G3BP1: variants seen among roughly 807,000 people sequenced by gnomAD.
G3BP1 encodes G3BP stress granule assembly factor 1.
In G3BP1, 35 loss-of-function variants were observed where a neutral mutation model predicts 58.6. The observed-to-expected ratio is 0.60, with a 90% confidence interval of 0.46 to 0.79. The LOEUF is 0.79. Ranked by LOEUF, G3BP1 falls within the 30% of genes least tolerant of loss-of-function variation. The pLI is 0.00. For missense variants in G3BP1, 523 were observed against 580.8 expected, an observed-to-expected ratio of 0.90 and a Z score of 1.02; for synonymous variants, 191 against 195.4, an observed-to-expected ratio of 0.98 and a Z score of 0.19.
At position 151,811,851 on chromosome 5, in the gene G3BP1, T is replaced by C. The variant is rs180815660; in HGVS notation, c.*7760T>C. 1.4e-3 allele frequency: 208 copies of C among 152,348 alleles called. No homozygotes were observed. The highest frequency in any genetic ancestry group is 4.9e-3 in the African/African-American group (202 of 41,584). 9.4% of individuals were successfully genotyped at this position (152,348 alleles called of 1,614,324 possible). Reference sequence around the variant, plus strand: ...ATTAAGGCCATACCAAGTTTATACATATATACAAAGAAATTTCCATATAAA... The same window carrying C: ...ATTAAGGCCATACCAAGTTTATACACATATACAAAGAAATTTCCATATAAA... On this transcript the variant is annotated 3_prime_UTR_variant, in exon 12 of 12. Coordinates refer to ENST00000356245, the MANE Select transcript of G3BP1 (RefSeq NM_005754.3).
chr5:151,799,249 C>A lies in G3BP1; in HGVS notation c.779C>A (p.Pro260Gln), dbSNP rs1337166578. Reference sequence around the variant, plus strand: ...GCATCTGTGACCAGTAAGAATCTTCCACCCAGTGGAGCTGTTCCAGTTACT... The same window carrying A: ...GCATCTGTGACCAGTAAGAATCTTCAACCCAGTGGAGCTGTTCCAGTTACT... ...SWASVTSKNL[P>Q]PSGAVPVTGI... Residue 260 changes from proline to glutamine, a missense_variant, in exon 8 of 12, where the codon CCA (proline) becomes CAA (glutamine). Physicochemically the swap from Pro to Gln is moderately conservative, Grantham distance 76 (BLOSUM62 -1). Around this residue, in one of 2 missense-constraint regions of G3BP1, gnomAD observed 398 missense variants for 399.1 expected, o/e 1.00. Transcript: ENST00000356245. The A allele has an allele frequency of 1.2e-6, 2 of 1,603,952 alleles. No individual in the cohort carries two copies.
At chr5:151,786,947 A>T in intron 2 of G3BP1, 1 of 275,776 alleles carries the variant, frequency 3.6e-6, no homozygotes. Context: ...AGTTTAAGTG[A>T]TTCTTCTGCC....
At position 151,797,430 on chromosome 5, in the gene G3BP1, T is replaced by C. The variant is rs1232495108; in HGVS notation, c.741+2T>C. The C allele has an allele frequency of 6.2e-7, 1 of 1,600,476 alleles. No individual in the cohort carries two copies. The highest frequency in any genetic ancestry group is 8.5e-7 in the Non-Finnish European group (1 of 1,171,464). ...CAGACAGTACAGGAAGACTTGAGGG[T>C]ATGAAACGTGTCTTCATTTTTATTC... On this transcript the variant is annotated splice_donor_variant, in intron 7 of 11. Coordinates refer to ENST00000356245, the MANE Select transcript of G3BP1 (RefSeq NM_005754.3). LOFTEE classifies it high-confidence loss of function.
chr5:151,795,649 G>A lies in G3BP1; in HGVS notation c.539+74G>A, dbSNP rs1762736677. 7.2e-6 allele frequency: 5 copies of A among 698,822 alleles called. No homozygotes were observed. In the South Asian group the frequency reaches 8.7e-5, roughly 12 times the overall value. The allele number at this position is 698,822 out of a possible 1,614,324, so 43.3% of individuals were successfully genotyped here. ...GTCTAGTCTTTCCCTTTGTTGGAGG[G>A]CATTTACATATTCTGAGAATTACCT... On this transcript the variant is annotated intron_variant, in intron 6 of 11. Coordinates refer to ENST00000356245, the MANE Select transcript of G3BP1 (RefSeq NM_005754.3).
Position 151,808,953 on chromosome 5 carries a change from G to GATT in G3BP1, c.*4863_*4865dup, listed in dbSNP as rs1762975258. ...GTGCTGTGGGAGGCTGAGGCCAGAG[G>GATT]ATTGCTCGAGGCCAGGAATTTGAGA... On this transcript the variant is annotated 3_prime_UTR_variant, in exon 12 of 12. Coordinates refer to ENST00000356245, the MANE Select transcript of G3BP1 (RefSeq NM_005754.3). The GATT allele has an allele frequency of 6.6e-6, 1 of 152,312 alleles. No individual in the cohort carries two copies. Among genetic ancestry groups the GATT allele is most frequent in the Non-Finnish European group, 1.5e-5 (1 of 68,148 alleles). 9.4% of individuals were successfully genotyped at this position (152,312 alleles called of 1,614,324 possible). A position where few individuals can be genotyped will look rare whatever the true frequency, so the allele number is the denominator to read the frequency against.
At chr5:151,799,140 A>C in intron 7 of G3BP1, 72 bp from the exon 8 acceptor site, 1 of 789,906 alleles carries the variant, frequency 1.3e-6, no homozygotes, top group East Asian at 2.4e-5. Flanking sequence ...TGTACAGGAA[A>C]TCAAGAGTTA....
chr5:151,800,711 TTAAAGA>T, intron 10 of G3BP1, 43 bp from the exon 11 acceptor site: 1 of 1,123,130 alleles, frequency 8.9e-7, no homozygotes, highest in Non-Finnish European at 1.4e-6. Flanking sequence ...CATGTAATGT[TTAAAGA>T]TAATGGTCTA....
chr5:151,786,449 G>C (rs927702042), intron 1 of G3BP1, 123 bp from the exon 2 acceptor site: 38 of 612,408 alleles, frequency 6.2e-5, no homozygotes, highest in African/African-American at 5.2e-4. Context: ...CAACTGGTCT[G>C]TATGGGCTCT....
chr5:151,793,558 T>C (rs139001410), intron 4 of G3BP1, among the ~76,000 whole-genome samples: 125 of 152,336 alleles, frequency 8.2e-4, no homozygotes, highest in African/African-American at 2.9e-3. Flanking sequence ...TACCGGCTAT[T>C]GTAGAGTGGG....
chr5:151,783,566 T>G (rs992941404), intron 1 of G3BP1, among the ~76,000 whole-genome samples: 3 of 151,976 alleles, frequency 2.0e-5, no homozygotes, highest in Non-Finnish European at 4.4e-5. Context: ...ATTTTTTGTA[T>G]TTTTAGGAGA....
At position 151,794,178 on chromosome 5, in the gene G3BP1, T is replaced by A. The variant is rs1356228313; in HGVS notation, c.371T>A (p.Phe124Tyr). Residue 124 changes from phenylalanine to tyrosine, a missense_variant, in exon 5 of 12, where the codon TTC (phenylalanine) becomes TAC (tyrosine). By Grantham distance (22) the Phe-to-Tyr change is conservative (BLOSUM62 3). This residue lies in a region of G3BP1 where 398 missense variants were observed against 399.1 expected (regional missense o/e 1.00). Transcript: ENST00000356245. ...LAPEGSVANK[F>Y]YVHNDIFRYQ... Reference sequence around the variant, plus strand: ...TTGCAGGGGTCTGTTGCAAATAAATTCTATGTTCACAATGATATCTTCAGA... The same window carrying A: ...TTGCAGGGGTCTGTTGCAAATAAATACTATGTTCACAATGATATCTTCAGA... The A allele has an allele frequency of 6.2e-7, 1 of 1,608,758 alleles. No homozygotes were observed. The highest frequency in any genetic ancestry group is 8.5e-7 in the Non-Finnish European group (1 of 1,175,320).
At chr5:151,794,043 C>G in intron 4 of G3BP1, 116 bp from the exon 5 acceptor site, 1 of 652,546 alleles carries the variant, frequency 1.5e-6, no homozygotes, top group Admixed American at 2.5e-5. Context: ...TGAAATGTCT[C>G]CAGATATTGC....
rs1763025541 is a variant in G3BP1, at chr5:151,812,056, G to A, written c.*7965G>A. 6.6e-6 allele frequency: 1 copy of A among 152,192 alleles called. No individual in the cohort carries two copies. Among genetic ancestry groups the A allele is most frequent in the Admixed American group, 6.5e-5 (1 of 15,272 alleles). The allele number at this position is 152,192 out of a possible 1,614,324, so 9.4% of individuals were successfully genotyped here. A position where few individuals can be genotyped will look rare whatever the true frequency, so the allele number is the denominator to read the frequency against. Reference sequence around the variant, plus strand: ...GACTTCTGGTCTGGCGTGAAAGTATGAATCATCTTGAACCTCTTCCATCAT... The same window carrying A: ...GACTTCTGGTCTGGCGTGAAAGTATAAATCATCTTGAACCTCTTCCATCAT... On this transcript the variant is annotated 3_prime_UTR_variant, in exon 12 of 12. Coordinates refer to ENST00000356245, the MANE Select transcript of G3BP1 (RefSeq NM_005754.3).
chr5:151,809,673 G>A lies in G3BP1; in HGVS notation c.*5582G>A, dbSNP rs1762987887. 6.6e-6 allele frequency: 1 copy of A among 152,132 alleles called. No homozygotes were observed. The highest frequency in any genetic ancestry group is 2.4e-5 in the African/African-American group (1 of 41,422). The allele number at this position is 152,132 out of a possible 1,614,324, so 9.4% of individuals were successfully genotyped here. ...ATTTTACAAAGGATCAGAGAGAATT[G>A]GTTAGTAGAGTCCCAAATCTGCTTT... On this transcript the variant is annotated 3_prime_UTR_variant, in exon 12 of 12. Transcript: ENST00000356245.
chr5:151,777,373 A>T (rs1423741467), intron 1 of G3BP1, among the ~76,000 whole-genome samples: 1 of 152,244 alleles, frequency 6.6e-6, no homozygotes, highest in East Asian at 1.9e-4. Flanking sequence ...TAAAGTAAAA[A>T]GACCACTTAA....
At position 151,797,437 on chromosome 5, in the gene G3BP1, C is replaced by A; in HGVS notation, c.741+9C>A. The A allele has an allele frequency of 6.3e-7, 1 of 1,594,212 alleles. No homozygotes were observed. On this transcript the variant is annotated intron_variant, in intron 7 of 11. Transcript: ENST00000356245. ...TACAGGAAGACTTGAGGGTATGAAA[C>A]GTGTCTTCATTTTTATTCTATTCCT...
chr5:151,778,987 G>A (rs2113217838), intron 1 of G3BP1, among the ~76,000 whole-genome samples: 1 of 152,016 alleles, frequency 6.6e-6, no homozygotes, highest in South Asian at 2.1e-4. Context: ...AACCTGGGAG[G>A]TGGAGGTTGC....
chr5:151,784,161 T>C (rs1398303030), intron 1 of G3BP1, among the ~76,000 whole-genome samples: 3 of 152,176 alleles, frequency 2.0e-5, no homozygotes, highest in Non-Finnish European at 2.9e-5. Flanking sequence ...AGTGGCATGA[T>C]GATAGCTCAC....
chr5:151,793,199 C>T (rs1233951917), intron 4 of G3BP1, among the ~76,000 whole-genome samples: 1 of 152,180 alleles, frequency 6.6e-6, no homozygotes, highest in African/African-American at 2.4e-5. Context: ...CCCTCCACCT[C>T]CCGGGTTCAA....
Sources: allele counts gnomAD v4.1 joint callset (sites outside exome capture counted in the v4.1 genomes callset), GRCh38; gene constraint gnomAD v4.1.1; regional missense constraint gnomAD v4.1.1; transcripts MANE v1.5; gene names NCBI Gene and HGNC (gene_info 2026-07-23, HGNC 2026-07-21).